The following RET variants were observed in gnomAD, a reference collection of about 807,000 sequenced individuals.
RET encodes the protein proto-oncogene tyrosine-protein kinase receptor Ret.
RET carries 19 observed loss-of-function variants against 118.3 expected under a neutral mutation model. The ratio of observed to expected loss-of-function variants is 0.16; its 90% CI spans 0.11 to 0.24. RET has a LOEUF of 0.24. Ranked by LOEUF, RET falls within the 10% of genes least tolerant of loss-of-function variation. The pLI, the probability that RET is intolerant of heterozygous loss-of-function variation, is 1.00. For missense variants in RET, 1,219 were observed against 1,502.1 expected, an observed-to-expected ratio of 0.81 and a Z score of 3.12; for synonymous variants, 597 against 644.1, an observed-to-expected ratio of 0.93 and a Z score of 1.11.
In RET at chr10:43,120,127, G is replaced by A. The variant is rs1010091281; in HGVS notation, c.2654G>A (p.Gly885Glu). 41 of 1,613,948 alleles carry A rather than the reference G, an allele frequency of 2.5e-5. No homozygotes were observed. The Admixed American group carries it at 6.2e-4, about 24-fold the overall frequency. Residue 885 changes from glycine to glutamate, a missense_variant, in exon 15 of 20, where the codon GGG (glycine) becomes GAG (glutamate). Gly to Glu is a moderately conservative substitution (Grantham distance 98, BLOSUM62 -2). This residue lies in a region of RET where 73 missense variants were observed against 156.5 expected (regional missense o/e 0.47). Coordinates refer to ENST00000355710, the MANE Select transcript of RET (RefSeq NM_020975.6). ...LAARNILVAE[G>E]RKMKISDFGL... ...GCCAGAAACATCCTGGTAGCTGAGGGGCGGAAGATGAAGATTTCGGATTTC... is the reference window on the plus strand; with the variant it reads ...GCCAGAAACATCCTGGTAGCTGAGGAGCGGAAGATGAAGATTTCGGATTTC...
In RET at chr10:43,128,380, C is replaced by T; in HGVS notation, c.*111C>T. ...CACATTGGCCGAGCCGTGTTCAGTT[C>T]CCAGGTGGCAGACTCGTTTTTGGTA... On this transcript the variant is annotated 3_prime_UTR_variant, in exon 20 of 20. Coordinates refer to ENST00000355710, the MANE Select transcript of RET (RefSeq NM_020975.6). 1 of 1,308,020 alleles carries T rather than the reference C, an allele frequency of 7.6e-7. No homozygotes were observed. Among genetic ancestry groups the T allele is most frequent in the Non-Finnish European group, 1.1e-6 (1 of 911,062 alleles). 81.0% of individuals were successfully genotyped at this position (1,308,020 alleles called of 1,614,324 possible). A position where few individuals can be genotyped will look rare whatever the true frequency, so the allele number is the denominator to read the frequency against.
chr10:43,102,012 G>T (rs1837651756), intron 2 of RET, among the ~76,000 whole-genome samples: 1 of 69,330 alleles, frequency 1.4e-5, no homozygotes. Context: ...GGTGTGGCAG[G>T]GGGGGTGCTG....
chr10:43,102,444 T>C lies in RET; in HGVS notation c.440T>C (p.Phe147Ser), dbSNP rs1564490097. Residue 147 changes from phenylalanine (F) to serine (S), a missense_variant, in exon 3 of 20, where the codon TTC (phenylalanine) becomes TCC (serine). This residue lies in a region of RET where 850 missense variants were observed against 969.6 expected (regional missense o/e 0.88). Coordinates refer to ENST00000355710, the MANE Select transcript of RET (RefSeq NM_020975.6). The stretch of plus-strand genomic sequence containing the variant: ...TGGCCAGGCTGTGCCCGCGTATACT[T>C]CTCCTTCTTCAACACCTCCTTTCCA... ...CQWPGCARVY[F>S]SFFNTSFPAC... 1 of 1,614,148 alleles carries C rather than the reference T, an allele frequency of 6.2e-7. No homozygotes were observed.
At chr10:43,080,356 C>T (rs1837152415) in intron 1 of RET, among the ~76,000 whole-genome samples, 1 of 152,254 alleles carries the variant, frequency 6.6e-6, no homozygotes, top group Admixed American at 6.5e-5. Flanking sequence ...CAGTAGCACC[C>T]CATGGGGGCT....
intron 1 of RET, among the ~76,000 whole-genome samples, chr10:43,096,409 C>T (rs562975232): frequency 6.6e-6 from 1 of 152,308 alleles, no homozygotes; most frequent in South Asian, 2.1e-4. Context: ...AGCCTCACAG[C>T]ATGTCCAGCT....
chr10:43,119,925 A>C (rs1838171270), intron 14 of RET, among the ~76,000 whole-genome samples, 156 bp from the exon 15 acceptor site: 1 of 147,966 alleles, frequency 6.8e-6, no homozygotes, highest in African/African-American at 2.5e-5. Context: ...TCACACCCTG[A>C]CTCCACCACG....
At chr10:43,110,366 AG>A (rs1837887883) in intron 6 of RET, among the ~76,000 whole-genome samples, 1 of 152,182 alleles carries the variant, frequency 6.6e-6, no homozygotes, top group African/African-American at 2.4e-5. Context: ...TGGGCTTTGT[AG>A]GGGAAAGTGA....
intron 19 of RET, 113 bp downstream of exon 19, chr10:43,126,835 G>A: frequency 6.7e-7 from 1 of 1,499,344 alleles, no homozygotes; most frequent in Admixed American, 2.3e-5. Context: ...ACCAAAGTCT[G>A]CTCTGAACCT....
chr10:43,117,195 G>A (rs950700186), intron 12 of RET, among the ~76,000 whole-genome samples: 6 of 152,248 alleles, frequency 3.9e-5, no homozygotes, highest in East Asian at 1.9e-4. Context: ...ACAGGCATGC[G>A]ACTGCACTGA....
intron 4 of RET, among the ~76,000 whole-genome samples, chr10:43,105,488 G>A (rs1369973410): frequency 6.6e-6 from 1 of 152,158 alleles, no homozygotes; most frequent in African/African-American, 2.4e-5. Context: ...CGGGCGGGGA[G>A]CATCTGCCGG....
chr10:43,082,314 C>T (rs1837202596), intron 1 of RET, among the ~76,000 whole-genome samples: 2 of 152,172 alleles, frequency 1.3e-5, no homozygotes, highest in African/African-American at 4.8e-5. Flanking sequence ...CTGGAGGGAG[C>T]AGGTGGCCAG....
At position 43,093,826 on chromosome 10, in the gene RET, C is replaced by G. The variant is rs574297113; in HGVS notation, c.74-6633C>G. ...ATAGCTGTCCACATGGAATTCTCCA[C>G]CCAGCAAAAATGGGCCTTCCATGAA... On this transcript the variant is annotated intron_variant, in intron 1 of 19. Transcript: ENST00000355710. Among the ~76,000 whole-genome samples the G allele has an allele frequency of 2.2e-4, 33 of 152,130 alleles. No homozygotes were observed. The East Asian group carries it at 6.2e-3, about 29-fold the overall frequency.
At chr10:43,119,873 G>C (rs1436976659) in intron 14 of RET, 128 bp downstream of exon 14, 23 of 1,249,840 alleles carry the variant, frequency 1.8e-5, no homozygotes, top group Non-Finnish European at 2.3e-5. Context: ...CCATGCCCCT[G>C]CCATGGCATG....
At chr10:43,122,557 G>T (rs999492997) in intron 16 of RET, among the ~76,000 whole-genome samples, 1 of 152,162 alleles carries the variant, frequency 6.6e-6, no homozygotes, top group Non-Finnish European at 1.5e-5. Context: ...TAAAACACAG[G>T]ATTCTTGCCT....
intron 7 of RET, 77 bp downstream of exon 7, chr10:43,111,542 A>G (rs2132780172): frequency 6.7e-7 from 1 of 1,492,900 alleles, no homozygotes; most frequent in African/African-American, 1.4e-5. Context: ...CTTTGAGAAA[A>G]GCAGTACAGC....
rs1010394903 is a variant in RET, at chr10:43,114,880, A to C, written c.2136+144A>C. Reference sequence around the variant, plus strand: ...AGGCCTGTGTTCTGCCCCCATTTCCATAGGGCGCTGTGTGGGGACAGTCTG... The same window carrying C: ...AGGCCTGTGTTCTGCCCCCATTTCCCTAGGGCGCTGTGTGGGGACAGTCTG... On this transcript the variant is annotated intron_variant, in intron 11 of 19. Transcript: ENST00000355710. This position sits in a 1 kb window ranked among gnomAD's most constrained non-coding sequence, Gnocchi z 4.6. 9.2e-6 allele frequency: 8 copies of C among 872,402 alleles called. No individual in the cohort carries two copies. The highest frequency in any genetic ancestry group is 1.0e-5 in the Non-Finnish European group (6 of 582,494). The allele number at this position is 872,402 out of a possible 1,614,324, so 54.0% of individuals were successfully genotyped here. A position where few individuals can be genotyped will look rare whatever the true frequency, so the allele number is the denominator to read the frequency against.
chr10:43,118,699 G>A (rs1404718472), intron 13 of RET, among the ~76,000 whole-genome samples: 6 of 152,246 alleles, frequency 3.9e-5, no homozygotes, highest in Non-Finnish European at 8.8e-5. Flanking sequence ...CCGCGCTAGC[G>A]GCACTCCCTG....
chr10:43,111,969 G>A lies in RET; in HGVS notation c.1523-130G>A, dbSNP rs1673179451. 2.3e-6 allele frequency: 3 copies of A among 1,322,546 alleles called. No homozygotes were observed. The South Asian group carries it at 3.8e-5, about 17-fold the overall frequency. 81.9% of individuals were successfully genotyped at this position (1,322,546 alleles called of 1,614,324 possible). ...CCTGGCACTGTCTTTGCTGCCCTGG[G>A]TCTGTCACTCCGGTCCCCTTGGGCT... On this transcript the variant is annotated intron_variant, in intron 7 of 19. Transcript: ENST00000355710.
At chr10:43,085,699 G>C (rs1224408819) in intron 1 of RET, among the ~76,000 whole-genome samples, 4 of 149,752 alleles carry the variant, frequency 2.7e-5, no homozygotes, top group Admixed American at 6.7e-5. Flanking sequence ...GTCACACATG[G>C]GGGTAGTGTC....
Sources: allele counts gnomAD v4.1 joint callset (sites outside exome capture counted in the v4.1 genomes callset), GRCh38; gene constraint gnomAD v4.1.1; regional missense constraint gnomAD v4.1.1; non-coding constraint Gnocchi (gnomAD v3.1); transcripts MANE v1.5; gene names NCBI Gene and HGNC (gene_info 2026-07-23, HGNC 2026-07-21).